The following UTP18 variants were observed in gnomAD, a reference collection of about 807,000 sequenced individuals.
UTP18 encodes the protein U3 small nucleolar RNA-associated protein 18 homolog.
In UTP18, 36 loss-of-function variants were observed where a neutral mutation model predicts 61.1. The observed-to-expected ratio is 0.59, with a 90% CI of 0.45 to 0.78. The LOEUF is 0.78. Among genes scored for constraint, UTP18 ranks in the 30% least tolerant of loss-of-function variants. The probability of loss-of-function intolerance (pLI) is 0.00; values close to 1 mark genes in which losing one functional copy is unlikely to be tolerated. For synonymous variants in UTP18, 282 were observed against 251.1 expected, an observed-to-expected ratio of 1.12 and a Z score of -1.16; for missense variants, 753 against 693.9, an observed-to-expected ratio of 1.09 and a Z score of -0.96.
chr17:51,274,172 C>A lies in UTP18; in HGVS notation c.711+722C>A, dbSNP rs529134527. Among the ~76,000 whole-genome samples, 37 of 152,298 alleles carry A rather than the reference C, an allele frequency of 2.4e-4. No homozygotes were observed. In the South Asian group the frequency reaches 6.6e-3, roughly 27 times the overall value. On this transcript the variant is annotated intron_variant, in intron 5 of 13. Transcript: ENST00000225298. The stretch of plus-strand genomic sequence containing the variant: ...TTGCCTGTGAACCTTTGCTCTTTCT[C>A]TTTTGTTCTGCCTGCCTTGTCTTCA...
chr17:51,289,952 C>G (rs961328671), intron 11 of UTP18, among the ~76,000 whole-genome samples: 2 of 152,036 alleles, frequency 1.3e-5, no homozygotes, highest in African/African-American at 4.8e-5. Context: ...TTTTTTCTAG[C>G]AGTTCATTGG....
intron 12 of UTP18, 170 bp from the exon 13 acceptor site, chr17:51,296,795 G>C (rs942377438): frequency 3.4e-6 from 2 of 585,456 alleles, no homozygotes; most frequent in East Asian, 6.3e-5. Context: ...GAGGCGTTCA[G>C]ATCCTCCAGA....
At chr17:51,280,170 C>A in intron 8 of UTP18, 65 bp downstream of exon 8, 1 of 1,502,222 alleles carries the variant, frequency 6.7e-7, no homozygotes, top group Non-Finnish European at 9.2e-7. Flanking sequence ...TAGTCTTGCA[C>A]CTTAACTCAG....
At chr17:51,282,685 G>A (rs1597850453) in intron 9 of UTP18, among the ~76,000 whole-genome samples, 1 of 152,054 alleles carries the variant, frequency 6.6e-6, no homozygotes, top group Non-Finnish European at 1.5e-5. Context: ...TGAATTGGAC[G>A]CAGATATAAT....
intron 4 of UTP18, among the ~76,000 whole-genome samples, 154 bp downstream of exon 4, chr17:51,269,058 G>A (rs778046201): frequency 2.6e-5 from 4 of 152,068 alleles, no homozygotes; most frequent in Non-Finnish European, 4.4e-5. Flanking sequence ...AGCCCGAGGC[G>A]GGTGGATCGC....
intron 12 of UTP18, among the ~76,000 whole-genome samples, chr17:51,294,844 C>T (rs1324605116): frequency 1.6e-4 from 24 of 152,092 alleles, no homozygotes; most frequent in Non-Finnish European, 2.6e-4. Context: ...TCCTATTTCT[C>T]CACATCCTCT....
chr17:51,297,033 C>G (rs1001547438), intron 13 of UTP18, 30 bp downstream of exon 13: 1 of 1,587,948 alleles, frequency 6.3e-7, no homozygotes, highest in Admixed American at 1.7e-5. Context: ...ACAAATTCTG[C>G]AGGTTTTAAG....
intron 9 of UTP18, among the ~76,000 whole-genome samples, chr17:51,283,613 A>C (rs1287661991): frequency 7.1e-6 from 1 of 141,054 alleles, no homozygotes; most frequent in Non-Finnish European, 1.5e-5. Context: ...TTGTTTACTC[A>C]TGGATTTTTT....
intron 4 of UTP18, among the ~76,000 whole-genome samples, chr17:51,270,846 A>G (rs976872155): frequency 3.3e-5 from 5 of 152,230 alleles, no homozygotes; most frequent in East Asian, 1.9e-4. Flanking sequence ...TAAGTCAGCA[A>G]TTAGTCTGCT....
At chr17:51,274,698 C>T (rs544729869) in intron 5 of UTP18, among the ~76,000 whole-genome samples, 2 of 151,736 alleles carry the variant, frequency 1.3e-5, no homozygotes, top group Non-Finnish European at 2.9e-5. Flanking sequence ...GTGATCTGCC[C>T]GCCTCAGCTC....
At chr17:51,292,101 T>C (rs1407492095) in intron 11 of UTP18, among the ~76,000 whole-genome samples, 3 of 152,228 alleles carry the variant, frequency 2.0e-5, no homozygotes, top group Admixed American at 6.5e-5. Context: ...TTATATAATA[T>C]CTGCCTTCCC....
intron 11 of UTP18, among the ~76,000 whole-genome samples, chr17:51,290,618 GT>G (rs1302376689): frequency 2.6e-5 from 4 of 152,154 alleles, no homozygotes; most frequent in Admixed American, 2.6e-4. Context: ...GTAGTAAATT[GT>G]TTTAGAAAAC....
intron 11 of UTP18, among the ~76,000 whole-genome samples, chr17:51,291,240 T>C (rs962962436): frequency 7.9e-5 from 12 of 152,086 alleles, no homozygotes; most frequent in Admixed American, 2.6e-4. Context: ...AGTTCAATTA[T>C]ACCTTTTAAA....
In UTP18 at chr17:51,275,855, A is replaced by G. The variant is rs774938630; in HGVS notation, c.712-11A>G. 1.8e-5 allele frequency: 28 copies of G among 1,582,554 alleles called. No homozygotes were observed. The African/African-American group carries it at 3.2e-4, about 18-fold the overall frequency. On this transcript the variant is annotated splice_polypyrimidine_tract_variant and intron_variant, in intron 5 of 13. Transcript: ENST00000225298. ...TTCAATTGATAAAATCCCAGCTTTC[A>G]TTTCCTATAGATGAAGAACTGCCAG...
At chr17:51,270,861 T>A (rs1169489840) in intron 4 of UTP18, among the ~76,000 whole-genome samples, 1 of 152,184 alleles carries the variant, frequency 6.6e-6, no homozygotes, top group Non-Finnish European at 1.5e-5. Flanking sequence ...TCTGCTACAG[T>A]ATGGGATATG....
intron 9 of UTP18, among the ~76,000 whole-genome samples, chr17:51,284,825 C>G (rs1427366791): frequency 6.6e-6 from 1 of 152,080 alleles, no homozygotes; most frequent in Non-Finnish European, 1.5e-5. Context: ...GTTTGGGAGG[C>G]CAAGGCAGGT....
chr17:51,281,439 T>A (rs1285085866), intron 9 of UTP18, among the ~76,000 whole-genome samples: 1 of 152,146 alleles, frequency 6.6e-6, no homozygotes, highest in Non-Finnish European at 1.5e-5. Context: ...TATTCTCTCT[T>A]TTGTCACTTG....
At chr17:51,289,599 A>C (rs1042684753) in intron 11 of UTP18, among the ~76,000 whole-genome samples, 12 of 152,140 alleles carry the variant, frequency 7.9e-5, no homozygotes, top group Non-Finnish European at 1.8e-4. Context: ...ATCTCTGTGA[A>C]GTTTCCTAAT....
chr17:51,289,055 C>G (rs555619305), intron 11 of UTP18, among the ~76,000 whole-genome samples: 48 of 152,250 alleles, frequency 3.2e-4, no homozygotes, highest in Non-Finnish European at 5.6e-4. Flanking sequence ...GCATAAACCA[C>G]ATTGTTTGTA....
Sources: allele counts gnomAD v4.1 joint callset (sites outside exome capture counted in the v4.1 genomes callset), GRCh38; gene constraint gnomAD v4.1.1; transcripts MANE v1.5; gene names NCBI Gene and HGNC (gene_info 2026-07-23, HGNC 2026-07-21).